Variants in LYST observed in about 807,000 individuals in gnomAD.
The protein encoded by LYST is lysosomal trafficking regulator, also known as lysosomal-trafficking regulator.
In LYST, 192 loss-of-function variants were observed where a neutral mutation model predicts 413.6. That is an observed-to-expected ratio of 0.46 (90% CI 0.41 to 0.52). LYST has a LOEUF of 0.52. Among genes scored for constraint, LYST ranks in the 20% least tolerant of loss-of-function variants. LYST has a pLI of 0.00. For synonymous variants in LYST, 1,525 were observed against 1,567.3 expected, an observed-to-expected ratio of 0.97 and a Z score of 0.64; for missense variants, 3,815 against 4,499.9, an observed-to-expected ratio of 0.85 and a Z score of 4.35.
chr1:235,851,735 C>A (rs1452696634), intron 1 of LYST, among the ~76,000 whole-genome samples: 1 of 151,876 alleles, frequency 6.6e-6, no homozygotes, highest in Non-Finnish European at 1.5e-5. Context: ...GAAGCAAAAT[C>A]TGGTACTCAC....
intron 8 of LYST, among the ~76,000 whole-genome samples, chr1:235,801,516 T>C (rs1248009540): frequency 6.6e-6 from 1 of 152,212 alleles, no homozygotes; most frequent in Non-Finnish European, 1.5e-5. Context: ...ATGATCAATT[T>C]TGCCTTCTTC....
chr1:235,701,742 AG>A (rs1661572746), intron 45 of LYST, among the ~76,000 whole-genome samples: 1 of 152,220 alleles, frequency 6.6e-6, no homozygotes, highest in Non-Finnish European at 1.5e-5. Flanking sequence ...CAAAAAATAT[AG>A]TTTTCTATTA....
At chr1:235,707,186 G>A (rs540865094) in intron 44 of LYST, among the ~76,000 whole-genome samples, 5 of 152,298 alleles carry the variant, frequency 3.3e-5, no homozygotes, top group Admixed American at 2.0e-4. Context: ...CCTTGGAGAG[G>A]AAAGTTGGCT....
chr1:235,808,176 C>T (rs1673070234), intron 5 of LYST, among the ~76,000 whole-genome samples: 1 of 152,138 alleles, frequency 6.6e-6, no homozygotes, highest in East Asian at 1.9e-4. Context: ...GCTGTATCCT[C>T]TTCTCTATAA....
At chr1:235,790,111 T>C (rs1484269999) in intron 12 of LYST, among the ~76,000 whole-genome samples, 1 of 152,182 alleles carries the variant, frequency 6.6e-6, no homozygotes, top group Non-Finnish European at 1.5e-5. Context: ...TTCTAATATA[T>C]CCTTAAAATA....
At chr1:235,737,916 A>ATG in intron 31 of LYST, 11 of 1,163,402 alleles carry the variant, frequency 9.5e-6, no homozygotes, top group South Asian at 7.8e-5. Context: ...GCTGCCGACG[A>ATG]GTCTGGATCT....
rs779990554 is a variant in LYST at position 235,744,011 on chromosome 1, T to C, written c.8119A>G (p.Thr2707Ala). The C allele has an allele frequency of 2.0e-6, 3 of 1,519,936 alleles. No individual in the cohort carries two copies. The highest frequency in any genetic ancestry group is 2.7e-6 in the Non-Finnish European group (3 of 1,095,848). The allele number at this position is 1,519,936 out of a possible 1,614,324, so 94.2% of individuals were successfully genotyped here. Reference sequence around the variant, plus strand: ...ACTTTGAATCCTTCTACCAGATATGTAAAAATTTCTTTCTGAAATGGATTG... The same window carrying C: ...ACTTTGAATCCTTCTACCAGATATGCAAAAATTTCTTTCTGAAATGGATTG... ...VFNPFQKEIF[T>A]YLVEGFKVSI... The change falls in exon 30 of 53, where the codon ACA becomes GCA. Residue 2707 changes from threonine (T) to alanine (A), a missense_variant. Physicochemically the swap from Thr to Ala is moderately conservative, Grantham distance 58. Transcript: ENST00000389793.
intron 42 of LYST, 120 bp from the exon 43 acceptor site, chr1:235,712,317 C>A: frequency 9.5e-6 from 7 of 740,654 alleles, no homozygotes; most frequent in South Asian, 4.2e-5. Context: ...TTTTGTTTGC[C>A]CATAGTTTAA....
At chr1:235,689,029 C>T (rs4478799) in intron 47 of LYST, among the ~76,000 whole-genome samples, 1,387 of 106,750 alleles carry the variant, frequency 0.013, 9 homozygotes, top group African/African-American at 0.028. Context: ...ATAATAATAA[C>T]AACAACAACA....
intron 1 of LYST, among the ~76,000 whole-genome samples, chr1:235,881,650 C>T (rs569784842): frequency 1.3e-5 from 2 of 151,978 alleles, no homozygotes; most frequent in African/African-American, 2.4e-5. Context: ...TTTACATACA[C>T]GTACATACAT....
Position 235,822,567 on chromosome 1 carries a change from A to G in LYST, c.192+7659T>C, listed in dbSNP as rs540064535. Among the ~76,000 whole-genome samples the G allele has an allele frequency of 4.6e-5, 7 of 152,360 alleles. No homozygotes were observed. The South Asian group carries it at 1.5e-3, about 32-fold the overall frequency. Reference sequence around the variant, plus strand: ...ACTGATGCATACCATGAGATCATCAATTCAACCCTGAGGTCATGATGGAAT... The same window carrying G: ...ACTGATGCATACCATGAGATCATCAGTTCAACCCTGAGGTCATGATGGAAT... On this transcript the variant is annotated intron_variant, in intron 3 of 52. Coordinates refer to ENST00000389793, the MANE Select transcript of LYST (RefSeq NM_000081.4).
chr1:235,730,740 G>A, intron 36 of LYST, 107 bp downstream of exon 36: 2 of 872,478 alleles, frequency 2.3e-6, no homozygotes, highest in Non-Finnish European at 1.9e-6. Flanking sequence ...TTCCTGTTTA[G>A]GATTTTTCTG....
Position 235,702,943 on chromosome 1 carries a change from T to A in LYST, c.10178A>T (p.Asp3393Val), listed in dbSNP as rs762262644. The A allele has an allele frequency of 1.9e-6, 3 of 1,614,108 alleles. No homozygotes were observed. In the South Asian group the frequency reaches 3.3e-5, roughly 18 times the overall value. Residue 3393 changes from aspartate (D) to valine (V), a missense_variant, in exon 45 of 53, where the codon GAT (aspartate) becomes GTT (valine). By Grantham distance (152) the Asp-to-Val change is radical. Coordinates refer to ENST00000389793, the MANE Select transcript of LYST (RefSeq NM_000081.4). ...TTCTAGCGCTCGTCTCTGAACTGGATCTTCAACTGCAGAGACATCCATTCC... is the reference window on the plus strand; with the variant it reads ...TTCTAGCGCTCGTCTCTGAACTGGAACTTCAACTGCAGAGACATCCATTCC... Reference protein sequence around the residue: ...YFGMDVSAVEDPVQRRALETM... With the variant: ...YFGMDVSAVEVPVQRRALETM...
intron 8 of LYST, among the ~76,000 whole-genome samples, 196 bp from the exon 9 acceptor site, chr1:235,801,293 C>CA (rs1243069574): frequency 6.6e-6 from 1 of 151,764 alleles, no homozygotes; most frequent in East Asian, 1.9e-4. Flanking sequence ...CCCTTAAAAG[C>CA]AATTTTCATC....
intron 48 of LYST, among the ~76,000 whole-genome samples, chr1:235,677,878 C>T (rs1363298179): frequency 6.6e-6 from 1 of 151,870 alleles, no homozygotes; most frequent in Non-Finnish European, 1.5e-5. Context: ...TGTAATATTG[C>T]CACATAAAAA....
At chr1:235,680,251 T>C (rs1659704983) in intron 48 of LYST, among the ~76,000 whole-genome samples, 1 of 152,168 alleles carries the variant, frequency 6.6e-6, no homozygotes, top group East Asian at 1.9e-4. Flanking sequence ...GATCATAGTT[T>C]TGTTTATTTG....
intron 1 of LYST, among the ~76,000 whole-genome samples, chr1:235,837,108 T>C (rs1255931817): frequency 6.6e-6 from 1 of 152,178 alleles, no homozygotes; most frequent in Non-Finnish European, 1.5e-5. Flanking sequence ...GCTACTATAA[T>C]GAACAGCGAG....
chr1:235,756,454 G>C (rs1667059713), intron 24 of LYST, among the ~76,000 whole-genome samples: 1 of 152,056 alleles, frequency 6.6e-6, no homozygotes, highest in Non-Finnish European at 1.5e-5. Flanking sequence ...TTGAATGTAG[G>C]GGCTTATATT....
chr1:235,786,425 A>C (rs534433714), intron 14 of LYST, among the ~76,000 whole-genome samples: 2 of 152,346 alleles, frequency 1.3e-5, no homozygotes, highest in South Asian at 4.1e-4. Context: ...ATGTGGAGAA[A>C]TAGGAACACT....
Sources: allele counts gnomAD v4.1 joint callset (sites outside exome capture counted in the v4.1 genomes callset), GRCh38; gene constraint gnomAD v4.1.1; transcripts MANE v1.5; gene names NCBI Gene and HGNC (gene_info 2026-07-23, HGNC 2026-07-21).